The following TSGA10 variants were observed in gnomAD, a reference collection of about 807,000 sequenced individuals.
TSGA10 encodes the protein testis specific 10.
A neutral mutation model predicts 96.6 loss-of-function variants in TSGA10; 43 were observed. The ratio of observed to expected loss-of-function variants is 0.44; its 90% CI spans 0.35 to 0.57. The LOEUF (loss-of-function observed/expected upper bound fraction) is 0.57. Ranked by LOEUF, TSGA10 falls within the 20% of genes least tolerant of loss-of-function variation. The pLI is 0.01. For synonymous variants in TSGA10, 229 were observed against 269.9 expected, an observed-to-expected ratio of 0.85 and a Z score of 1.48; for missense variants, 703 against 834.4, an observed-to-expected ratio of 0.84 and a Z score of 1.94.
At chr2:99,040,341 A>G (rs2082071222) in intron 16 of TSGA10, among the ~76,000 whole-genome samples, 1 of 152,144 alleles carries the variant, frequency 6.6e-6, no homozygotes, top group Non-Finnish European at 1.5e-5. Flanking sequence ...ACTGTTCGCC[A>G]ATTATAGGAT....
At chr2:99,076,201 A>T (rs1284485742) in intron 12 of TSGA10, among the ~76,000 whole-genome samples, 1 of 152,190 alleles carries the variant, frequency 6.6e-6, no homozygotes, top group Non-Finnish European at 1.5e-5. Context: ...CATAGGAACT[A>T]TCCATGTGAT....
At chr2:99,039,737 AGAG>A (rs1328038791) in intron 16 of TSGA10, among the ~76,000 whole-genome samples, 4 of 152,180 alleles carry the variant, frequency 2.6e-5, no homozygotes, top group Non-Finnish European at 4.4e-5. Flanking sequence ...TCCACAAGGC[AGAG>A]AAAGAGAGAA....
intron 10 of TSGA10, among the ~76,000 whole-genome samples, chr2:99,098,236 G>A (rs1433585669): frequency 6.6e-6 from 1 of 151,850 alleles, no homozygotes; most frequent in Non-Finnish European, 1.5e-5. Flanking sequence ...AGGAGTTTGA[G>A]ACCAACCTGG....
chr2:99,137,150 A>T (rs1024593740), intron 1 of TSGA10, among the ~76,000 whole-genome samples: 1 of 152,018 alleles, frequency 6.6e-6, no homozygotes. Flanking sequence ...GGCACCTGCC[A>T]CCATGCCCAG....
intron 16 of TSGA10, among the ~76,000 whole-genome samples, chr2:99,057,485 A>G (rs905904344): frequency 6.6e-6 from 1 of 152,178 alleles, no homozygotes; most frequent in Non-Finnish European, 1.5e-5. Context: ...AAAATAAGAA[A>G]ACAATTCTAT....
chr2:99,009,752 T>C (rs1009492707), intron 20 of TSGA10, among the ~76,000 whole-genome samples: 2 of 152,034 alleles, frequency 1.3e-5, no homozygotes, highest in Non-Finnish European at 2.9e-5. Context: ...AGAACATATA[T>C]ATAAGTAATG....
chr2:99,118,083 A>G (rs2092371115), intron 3 of TSGA10, among the ~76,000 whole-genome samples: 1 of 152,164 alleles, frequency 6.6e-6, no homozygotes, highest in South Asian at 2.1e-4. Context: ...AGAAACTTCA[A>G]TAGCTTTGAA....
intron 5 of TSGA10, among the ~76,000 whole-genome samples, chr2:99,110,547 C>T (rs1205099395): frequency 6.6e-6 from 1 of 152,120 alleles, no homozygotes; most frequent in Non-Finnish European, 1.5e-5. Flanking sequence ...TGTAAACAAA[C>T]TTCATATTTT....
At position 99,117,634 on chromosome 2, in the gene TSGA10, T is replaced by G. The variant is rs992087442; in HGVS notation, c.-230A>C. Reference sequence around the variant, plus strand: ...CTGCTAGTTGGTCAATTTTAATCAATTCTTTACAAAGATGCTCATTGTGGC... The same window carrying G: ...CTGCTAGTTGGTCAATTTTAATCAAGTCTTTACAAAGATGCTCATTGTGGC... On this transcript the variant is annotated 5_prime_UTR_variant, in exon 4 of 21. Coordinates refer to ENST00000393483, the MANE Select transcript of TSGA10 (RefSeq NM_025244.4). The G allele has an allele frequency of 1.0e-6, 1 of 985,752 alleles. No homozygotes were observed. The highest frequency in any genetic ancestry group is 1.7e-5 in the African/African-American group (1 of 57,256). 61.1% of individuals were successfully genotyped at this position (985,752 alleles called of 1,614,324 possible). A position where few individuals can be genotyped will look rare whatever the true frequency, so the allele number is the denominator to read the frequency against.
chr2:99,064,055 AG>A (rs1220132416), intron 16 of TSGA10, among the ~76,000 whole-genome samples: 1 of 152,204 alleles, frequency 6.6e-6, no homozygotes, highest in Non-Finnish European at 1.5e-5. Context: ...TTCTTATGGC[AG>A]AATGACACTT....
chr2:99,071,572 T>G (rs752697165), intron 14 of TSGA10, 134 bp downstream of exon 14: 2 of 735,262 alleles, frequency 2.7e-6, no homozygotes, highest in Non-Finnish European at 4.3e-6. Context: ...TGTGGCCTAT[T>G]TTGTTATTTT....
At chr2:99,015,367 T>C (rs755424543) in intron 20 of TSGA10, among the ~76,000 whole-genome samples, 2 of 152,050 alleles carry the variant, frequency 1.3e-5, no homozygotes, top group Non-Finnish European at 2.9e-5. Context: ...ACAGATCACA[T>C]AAACAAACTT....
At chr2:99,002,223 G>C (rs1361119111) in intron 20 of TSGA10, among the ~76,000 whole-genome samples, 3 of 152,120 alleles carry the variant, frequency 2.0e-5, no homozygotes, top group African/African-American at 7.2e-5. Context: ...AAATATTAAG[G>C]GCAGCCAGAA....
intron 1 of TSGA10, among the ~76,000 whole-genome samples, chr2:99,152,590 T>A (rs140515047): frequency 6.6e-6 from 1 of 152,338 alleles, no homozygotes; most frequent in African/African-American, 2.4e-5. Context: ...CAGGACATTT[T>A]TGAAAGCAAG....
At chr2:99,093,606 G>A (rs796339201) in intron 10 of TSGA10, among the ~76,000 whole-genome samples, 15 of 151,416 alleles carry the variant, frequency 9.9e-5, no homozygotes, top group African/African-American at 3.4e-4. Flanking sequence ...TACACCAACA[G>A]CAATCATGCA....
intron 1 of TSGA10, among the ~76,000 whole-genome samples, chr2:99,143,072 A>C (rs1025246191): frequency 6.6e-6 from 1 of 150,964 alleles, no homozygotes; most frequent in Admixed American, 6.6e-5. Context: ...GAAAGTAAAA[A>C]TTTCCTTCCC....
intron 16 of TSGA10, among the ~76,000 whole-genome samples, chr2:99,047,974 G>T (rs2082970210): frequency 6.6e-6 from 1 of 152,116 alleles, no homozygotes; most frequent in South Asian, 2.1e-4. Context: ...ATTCACAATT[G>T]CTTCAAAGAG....
chr2:99,109,370 G>T lies in TSGA10; in HGVS notation c.51+19C>A, dbSNP rs760694866. 1.9e-6 allele frequency: 3 copies of T among 1,612,492 alleles called. No individual in the cohort carries two copies. The Admixed American group carries it at 5.0e-5, about 27-fold the overall frequency. On this transcript the variant is annotated intron_variant, in intron 6 of 20. Coordinates refer to ENST00000393483, the MANE Select transcript of TSGA10 (RefSeq NM_025244.4). The stretch of plus-strand genomic sequence containing the variant: ...CTGGGCAACAAACTCCAAAATATTT[G>T]TAAGTTTATAAAACCTACCCGGGCA...
intron 4 of TSGA10, among the ~76,000 whole-genome samples, chr2:99,112,222 A>T (rs1270397792): frequency 3.9e-5 from 6 of 152,306 alleles, no homozygotes; most frequent in African/African-American, 1.2e-4. Context: ...GTAATGAATA[A>T]AAAAGGTAAA....
Sources: allele counts gnomAD v4.1 joint callset (sites outside exome capture counted in the v4.1 genomes callset), GRCh38; gene constraint gnomAD v4.1.1; transcripts MANE v1.5; gene names NCBI Gene and HGNC (gene_info 2026-07-23, HGNC 2026-07-21).